The following SGCZ variants were observed in gnomAD, a reference collection of about 807,000 sequenced individuals.
SGCZ encodes the protein sarcoglycan zeta, also known as zeta-sarcoglycan.
A neutral mutation model predicts 41.3 loss-of-function variants in SGCZ; 40 were observed. The ratio of observed to expected loss-of-function variants is 0.97; its 90% CI spans 0.75 to 1.26. The LOEUF (loss-of-function observed/expected upper bound fraction) is 1.26. Among genes scored for constraint, SGCZ ranks in the 50% most tolerant of loss-of-function variants. SGCZ has a pLI of 0.00. For synonymous variants in SGCZ, 206 were observed against 137.5 expected (o/e 1.50, Z -3.49); for missense variants, 552 against 369.8 (o/e 1.49, Z -4.04).
Position 14,777,388 on chromosome 8 carries a change from C to T in SGCZ, c.40-222462G>A, listed in dbSNP as rs561350722. On this transcript the variant is annotated intron_variant, in intron 1 of 7. Transcript: ENST00000382080. ...AAAAAATACGTCAGTATTTTCTATA[C>T]ACTTCAGGTGGGAAAAGTGATTTTA... Among the ~76,000 whole-genome samples the T allele has an allele frequency of 5.9e-5, 9 of 152,222 alleles. No homozygotes were observed. The South Asian group carries it at 1.9e-3, about 32-fold the overall frequency.
chr8:14,718,702 G>A (rs1429917326), intron 1 of SGCZ, among the ~76,000 whole-genome samples: 1 of 151,732 alleles, frequency 6.6e-6, no homozygotes, highest in African/African-American at 2.4e-5. Flanking sequence ...TGACAGTGTT[G>A]ATGATCTTTA....
At chr8:14,605,237 T>C (rs964844928) in intron 1 of SGCZ, among the ~76,000 whole-genome samples, 2 of 151,268 alleles carry the variant, frequency 1.3e-5, no homozygotes, top group Admixed American at 6.7e-5. Context: ...ATTCTTTTTT[T>C]ACTTTTAAAA....
intron 1 of SGCZ, among the ~76,000 whole-genome samples, chr8:14,580,652 G>C (rs1018686418): frequency 6.6e-6 from 1 of 152,144 alleles, no homozygotes. Context: ...TCAATACATG[G>C]ATTAGGACAA....
intron 1 of SGCZ, among the ~76,000 whole-genome samples, chr8:15,136,278 T>C (rs1158390864): frequency 6.6e-6 from 1 of 152,132 alleles, no homozygotes; most frequent in East Asian, 1.9e-4. Context: ...TGGCCCCTTG[T>C]AACAGGCAAT....
intron 1 of SGCZ, among the ~76,000 whole-genome samples, chr8:14,731,638 T>C (rs1810242748): frequency 6.6e-6 from 1 of 152,348 alleles, no homozygotes; most frequent in South Asian, 2.1e-4. Context: ...TCTCCCTTGC[T>C]CTGTGTGTAT....
chr8:14,876,954 C>T (rs1039692724), intron 1 of SGCZ, among the ~76,000 whole-genome samples: 6 of 152,006 alleles, frequency 3.9e-5, no homozygotes, highest in Admixed American at 1.3e-4. Flanking sequence ...AACAGTGGAC[C>T]TACCACTCTA....
intron 1 of SGCZ, among the ~76,000 whole-genome samples, chr8:15,080,345 C>T (rs79988760): frequency 0.026 from 3,978 of 152,082 alleles, 163 homozygotes; most frequent in African/African-American, 0.091. Context: ...CTGACCTAAC[C>T]TACATGCACT....
intron 1 of SGCZ, among the ~76,000 whole-genome samples, chr8:15,005,984 A>C (rs1445613708): frequency 1.3e-5 from 2 of 152,150 alleles, no homozygotes; most frequent in Non-Finnish European, 2.9e-5. Flanking sequence ...TTGATAATGA[A>C]TCATGGAATT....
chr8:14,429,644 T>G (rs184652749), intron 2 of SGCZ, among the ~76,000 whole-genome samples: 3 of 152,330 alleles, frequency 2.0e-5, no homozygotes, highest in Admixed American at 2.0e-4. Flanking sequence ...GATGAGATCA[T>G]AATGGATTTA....
chr8:14,364,679 C>A (rs1389290509), intron 2 of SGCZ, among the ~76,000 whole-genome samples: 1 of 152,012 alleles, frequency 6.6e-6, no homozygotes, highest in Non-Finnish European at 1.5e-5. Context: ...CCTTTTTGTA[C>A]CATTTGCATC....
At chr8:15,105,364 T>C (rs932275252) in intron 1 of SGCZ, among the ~76,000 whole-genome samples, 1 of 152,072 alleles carries the variant, frequency 6.6e-6, no homozygotes, top group African/African-American at 2.4e-5. Context: ...GGGTAATTCA[T>C]GAAGAAAAGA....
intron 3 of SGCZ, among the ~76,000 whole-genome samples, chr8:14,286,842 T>C (rs1800651725): frequency 6.6e-6 from 1 of 152,128 alleles, no homozygotes; most frequent in Admixed American, 6.6e-5. Flanking sequence ...AAGCAATTTG[T>C]ATTCCCATTA....
chr8:14,095,945 A>G (rs1801831671), intron 7 of SGCZ, among the ~76,000 whole-genome samples: 1 of 152,116 alleles, frequency 6.6e-6, no homozygotes, highest in Non-Finnish European at 1.5e-5. Flanking sequence ...ATTTTTGCAC[A>G]TTGATTTTGT....
chr8:14,350,593 T>G (rs1803054576), intron 2 of SGCZ, among the ~76,000 whole-genome samples: 1 of 152,016 alleles, frequency 6.6e-6, no homozygotes, highest in Admixed American at 6.6e-5. Flanking sequence ...GGTGTAAGGT[T>G]CTGGCCCTGT....
chr8:14,157,293 T>A (rs1803903843), intron 5 of SGCZ, among the ~76,000 whole-genome samples: 1 of 148,336 alleles, frequency 6.7e-6, no homozygotes, highest in Non-Finnish European at 1.5e-5. Context: ...ATACATATTA[T>A]ATTTAATATA....
rs529527546 is a variant in SGCZ at position 14,224,412 on chromosome 8, C to A, written c.424+13180G>T. 3.9e-5 allele frequency among the ~76,000 whole-genome samples: 6 copies of A among 152,230 alleles called. No individual in the cohort carries two copies. In the East Asian group the frequency reaches 1.2e-3, roughly 29 times the overall value. Reference sequence around the variant, plus strand: ...AGGGGCAGACATAGAGGGAATATCTCTAGCTCTGAAGGTGAAAGGGATGCA... The same window carrying A: ...AGGGGCAGACATAGAGGGAATATCTATAGCTCTGAAGGTGAAAGGGATGCA... On this transcript the variant is annotated intron_variant, in intron 4 of 7. Transcript: ENST00000382080.
intron 4 of SGCZ, among the ~76,000 whole-genome samples, chr8:14,235,925 C>A (rs1015422402): frequency 6.6e-6 from 1 of 152,098 alleles, no homozygotes; most frequent in African/African-American, 2.4e-5. Context: ...CCTCATGATC[C>A]GCCCGCCTTG....
chr8:14,717,584 T>C (rs1400180491), intron 1 of SGCZ, among the ~76,000 whole-genome samples: 2 of 152,100 alleles, frequency 1.3e-5, no homozygotes, highest in Admixed American at 6.6e-5. Context: ...TTCATGGGTA[T>C]GCAAACTGTA....
chr8:14,513,838 T>C (rs1463948096), intron 2 of SGCZ, among the ~76,000 whole-genome samples: 1 of 152,084 alleles, frequency 6.6e-6, no homozygotes, highest in Non-Finnish European at 1.5e-5. Context: ...AAAATGTCAA[T>C]GGCCTAAAAG....
Sources: allele counts gnomAD v4.1 joint callset (sites outside exome capture counted in the v4.1 genomes callset), GRCh38; gene constraint gnomAD v4.1.1; transcripts MANE v1.5; gene names NCBI Gene and HGNC (gene_info 2026-07-23, HGNC 2026-07-21).